FYN: variants seen among roughly 807,000 people sequenced by gnomAD.
The protein encoded by FYN is FYN proto-oncogene, Src family tyrosine kinase, also known as tyrosine-protein kinase Fyn.
Under a neutral mutation model 70.2 loss-of-function variants are expected in FYN, and 10 were observed. The observed-to-expected ratio is 0.14, with a 90% CI of 0.09 to 0.24. The LOEUF is 0.24. Among genes scored for constraint, FYN ranks in the 10% least tolerant of loss-of-function variants. FYN has a pLI of 1.00. For missense variants in FYN, 319 were observed against 673.1 expected, an observed-to-expected ratio of 0.47 and a Z score of 5.82; for synonymous variants, 236 against 248.6, an observed-to-expected ratio of 0.95 and a Z score of 0.48.
chr6:111,754,648 G>A (rs935528647), intron 3 of FYN: 2 of 152,150 alleles, frequency 1.3e-5, no homozygotes, highest in South Asian at 2.1e-4. Context: ...AACAGGCAAG[G>A]GTTACAGTCG....
chr6:111,734,194 C>G (rs999352239), intron 3 of FYN, among the ~76,000 whole-genome samples: 1 of 152,176 alleles, frequency 6.6e-6, no homozygotes, highest in Admixed American at 6.5e-5. Flanking sequence ...CTTTTGCACA[C>G]ATTGAGCAGA....
intron 13 of FYN, among the ~76,000 whole-genome samples, chr6:111,669,740 A>G (rs1001362896): frequency 6.6e-6 from 1 of 152,086 alleles, no homozygotes; most frequent in Non-Finnish European, 1.5e-5. Flanking sequence ...CTCATAGGTG[A>G]GTTCTTTTTT....
intron 4 of FYN, 84 bp from the exon 5 acceptor site, chr6:111,714,527 A>C: frequency 1.0e-6 from 1 of 981,252 alleles, no homozygotes; most frequent in Non-Finnish European, 1.6e-6. Context: ...CTAAAATCTC[A>C]TTCTCACAAT....
At chr6:111,750,442 G>C (rs774682835) in intron 3 of FYN, among the ~76,000 whole-genome samples, 1 of 152,058 alleles carries the variant, frequency 6.6e-6, no homozygotes, top group Non-Finnish European at 1.5e-5. Context: ...AGCAGAAGCC[G>C]CTATGCTTCC....
At position 111,704,188 on chromosome 6, in the gene FYN, T is replaced by A. The variant is rs994921713; in HGVS notation, c.444-86A>T. 5 of 986,256 alleles carry A rather than the reference T, an allele frequency of 5.1e-6. No individual in the cohort carries two copies. In the African/African-American group the frequency reaches 8.2e-5, roughly 16 times the overall value. The allele number at this position is 986,256 out of a possible 1,614,324, so 61.1% of individuals were successfully genotyped here. A position where few individuals can be genotyped will look rare whatever the true frequency, so the allele number is the denominator to read the frequency against. Reference sequence around the variant, plus strand: ...ATAGGCTTTTTTTTTGCCCATGAATTCCCCTCTCCTCCAATTTAGTCCTTA... The same window carrying A: ...ATAGGCTTTTTTTTTGCCCATGAATACCCCTCTCCTCCAATTTAGTCCTTA... On this transcript the variant is annotated intron_variant, in intron 6 of 13. Coordinates refer to ENST00000354650, the MANE Select transcript of FYN (RefSeq NM_002037.5).
At chr6:111,786,577 C>T (rs1364344204) in intron 2 of FYN, among the ~76,000 whole-genome samples, 2 of 152,176 alleles carry the variant, frequency 1.3e-5, no homozygotes, top group African/African-American at 4.8e-5. Flanking sequence ...CCAGTATATA[C>T]CCAGTAATGG....
intron 13 of FYN, among the ~76,000 whole-genome samples, chr6:111,663,518 C>T (rs2128397716): frequency 6.6e-6 from 1 of 152,374 alleles, no homozygotes; most frequent in African/African-American, 2.4e-5. Flanking sequence ...CACAGCCTGT[C>T]AGTCACATGT....
intron 3 of FYN, chr6:111,759,873 T>C (rs1426285494): frequency 6.6e-6 from 1 of 152,188 alleles, no homozygotes; most frequent in Non-Finnish European, 1.5e-5. Context: ...AGAAAAGGAA[T>C]AAAGCAGAAA....
intron 3 of FYN, among the ~76,000 whole-genome samples, chr6:111,748,777 C>A (rs780977672): frequency 6.6e-6 from 1 of 152,060 alleles, no homozygotes; most frequent in East Asian, 1.9e-4. Context: ...TTACACAGGT[C>A]GTCTTAAATT....
intron 3 of FYN, among the ~76,000 whole-genome samples, chr6:111,742,595 G>A (rs1242855105): frequency 6.6e-6 from 1 of 152,168 alleles, no homozygotes; most frequent in Non-Finnish European, 1.5e-5. Context: ...ATGGATCTCA[G>A]CTTCCAACAA....
chr6:111,776,240 C>T (rs991571936), intron 3 of FYN, among the ~76,000 whole-genome samples: 1 of 152,154 alleles, frequency 6.6e-6, no homozygotes, highest in Admixed American at 6.5e-5. Context: ...ATGGAAATGG[C>T]CCCTGAGGAT....
At chr6:111,681,514 T>C (rs1798780169) in intron 12 of FYN, among the ~76,000 whole-genome samples, 1 of 152,206 alleles carries the variant, frequency 6.6e-6, no homozygotes, top group Non-Finnish European at 1.5e-5. Flanking sequence ...TTTGCTTTAC[T>C]ATAACCTGTG....
intron 3 of FYN, among the ~76,000 whole-genome samples, chr6:111,759,592 G>T (rs1343160002): frequency 6.6e-6 from 1 of 152,110 alleles, no homozygotes. Context: ...GGATCTTTTG[G>T]TTCCCCCCCT....
intron 2 of FYN, among the ~76,000 whole-genome samples, chr6:111,790,330 A>G (rs1771570622): frequency 6.6e-6 from 1 of 151,670 alleles, no homozygotes; most frequent in African/African-American, 2.4e-5. Context: ...AATATTAGAT[A>G]AAAGTGCAAC....
At chr6:111,666,144 T>C (rs1026561340) in intron 13 of FYN, among the ~76,000 whole-genome samples, 2 of 151,962 alleles carry the variant, frequency 1.3e-5, no homozygotes, top group Admixed American at 6.6e-5. Flanking sequence ...TGGGATCCTT[T>C]TTCTCCTTTC....
intron 12 of FYN, among the ~76,000 whole-genome samples, chr6:111,683,009 A>C (rs1344060162): frequency 6.6e-6 from 1 of 152,232 alleles, no homozygotes; most frequent in Non-Finnish European, 1.5e-5. Context: ...AAAGAAGATG[A>C]AAAAACCCTC....
chr6:111,763,890 G>C (rs1282591620), intron 3 of FYN, among the ~76,000 whole-genome samples: 1 of 152,012 alleles, frequency 6.6e-6, no homozygotes, highest in East Asian at 1.9e-4. Context: ...AATGCCTATG[G>C]GTGCTGTGCA....
rs547194481 is a variant in FYN at position 111,791,394 on chromosome 6, C to A, written c.-81-10759G>T. ...GGTAGTATAGATTGAACCGTGTCCC[C>A]CAAAAAGATATGAAGTTCTAACCCC... is the stretch of plus-strand genomic sequence containing the variant. On this transcript the variant is annotated intron_variant, in intron 2 of 13. Coordinates refer to ENST00000354650, the MANE Select transcript of FYN (RefSeq NM_002037.5). 6.6e-5 allele frequency among the ~76,000 whole-genome samples: 10 copies of A among 152,128 alleles called. No homozygotes were observed. In the South Asian group the frequency reaches 1.0e-3, roughly 16 times the overall value.
intron 3 of FYN, among the ~76,000 whole-genome samples, chr6:111,722,527 C>A (rs995353663): frequency 6.6e-6 from 1 of 152,164 alleles, no homozygotes; most frequent in Non-Finnish European, 1.5e-5. Context: ...CTTCTTGTCC[C>A]AGATGTTTTT....
Sources: gnomAD v4.1 joint callset for allele counts (sites outside exome capture counted in the v4.1 genomes callset) on GRCh38, gnomAD v4.1.1 for gene constraint, MANE v1.5 for transcripts, NCBI Gene and HGNC (gene_info 2026-07-23, HGNC 2026-07-21) for gene names.